The following DDX31 variants were observed in gnomAD, a reference collection of about 807,000 sequenced individuals.
DDX31 encodes DEAD-box helicase 31, also known as ATP-dependent DNA helicase DDX31.
A neutral mutation model predicts 91.3 loss-of-function variants in DDX31; 70 were observed. The ratio of observed to expected loss-of-function variants is 0.77; its 90% confidence interval spans 0.63 to 0.94. The LOEUF (loss-of-function observed/expected upper bound fraction) is 0.94. Ranked by LOEUF, DDX31 falls within the 40% of genes least tolerant of loss-of-function variation. The probability of loss-of-function intolerance (pLI) is 0.00; values close to 1 mark genes in which losing one functional copy is unlikely to be tolerated. For synonymous variants in DDX31, 362 were observed against 350.6 expected, an observed-to-expected ratio of 1.03 and a Z score of -0.36; for missense variants, 902 against 925.0, an observed-to-expected ratio of 0.98 and a Z score of 0.32.
In DDX31 at chr9:132,595,375, A is replaced by G. The variant is rs1036411153; in HGVS notation, c.1995-263T>C. Among the ~76,000 whole-genome samples, 2 of 152,192 alleles carry G rather than the reference A, an allele frequency of 1.3e-5. No homozygotes were observed. Among genetic ancestry groups the G allele is most frequent in the African/African-American group, 4.8e-5 (2 of 41,434 alleles). ...TGTTCTGTGTTGTTTTCATGGGGAA[A>G]AAAAGAACTATACACCCTCATGCTC... On this transcript the variant is annotated intron_variant, in intron 19 of 19. Transcript: ENST00000372159. The surrounding 1 kb of genome is among the most constrained non-coding windows in gnomAD (Gnocchi z 4.6).
intron 11 of DDX31, 89 bp downstream of exon 11, chr9:132,648,100 G>T: frequency 9.3e-7 from 1 of 1,076,672 alleles, no homozygotes. Context: ...CTGAGGTTGA[G>T]AATCACTGCA....
At chr9:132,632,241 T>TGTACACACAC (rs1466872933) in intron 14 of DDX31, 150 bp from the exon 15 acceptor site, 66 of 94,090 alleles carry the variant, frequency 7.0e-4, no homozygotes, top group Non-Finnish European at 9.4e-4. Context: ...CCAGTACGTG[T>TGTACACACAC]ACACACACAC....
At chr9:132,638,450 G>C in intron 14 of DDX31, 1 of 1,589,956 alleles carries the variant, frequency 6.3e-7, no homozygotes, top group South Asian at 1.1e-5. Flanking sequence ...TTGGGAAAGT[G>C]GGCTTTGAAC....
chr9:132,644,171 T>G (rs779142902), intron 13 of DDX31, among the ~76,000 whole-genome samples: 18 of 152,222 alleles, frequency 1.2e-4, no homozygotes, highest in African/African-American at 2.2e-4. Flanking sequence ...TATAACCTCC[T>G]GTCTTCCACT....
intron 14 of DDX31, among the ~76,000 whole-genome samples, chr9:132,636,346 A>G (rs564546226): frequency 6.6e-6 from 1 of 152,342 alleles, no homozygotes; most frequent in African/African-American, 2.4e-5. Context: ...AACACTGATG[A>G]GTTCTTACAT....
At chr9:132,666,949 G>A (rs563053447) in intron 1 of DDX31, among the ~76,000 whole-genome samples, 13 of 152,046 alleles carry the variant, frequency 8.6e-5, no homozygotes, top group Admixed American at 7.2e-4. Flanking sequence ...TCCTGACCTC[G>A]TGATCCACCG....
At chr9:132,643,430 C>T (rs1833622165) in intron 13 of DDX31, among the ~76,000 whole-genome samples, 1 of 152,236 alleles carries the variant, frequency 6.6e-6, no homozygotes, top group Admixed American at 6.5e-5. Flanking sequence ...TCACTATGTG[C>T]TGTGGCATGT....
intron 4 of DDX31, 148 bp downstream of exon 4, chr9:132,661,060 C>G: frequency 1.4e-6 from 1 of 707,526 alleles, no homozygotes; most frequent in Non-Finnish European, 2.5e-6. Flanking sequence ...GAATGAGTAG[C>G]TAAGTGAGAC....
Position 132,662,515 on chromosome 9 carries a change from T to C in DDX31, c.256A>G (p.Arg86Gly). ...PKKHSVSTSD[R>G]NQEERQCIKT... ...ATGCACTGTCTCTCCTCCTGGTTTCTATCACTTGTGCTAACCGAATGCTTC... is the reference window on the plus strand; with the variant it reads ...ATGCACTGTCTCTCCTCCTGGTTTCCATCACTTGTGCTAACCGAATGCTTC... Residue 86 changes from arginine to glycine, a missense_variant, in exon 2 of 20, where the codon AGA (arginine) becomes GGA (glycine). Physicochemically the swap from Arg to Gly is moderately radical, Grantham distance 125. Transcript: ENST00000372159. The C allele has an allele frequency of 1.2e-6, 2 of 1,614,238 alleles. No homozygotes were observed. The highest frequency in any genetic ancestry group is 8.5e-7 in the Non-Finnish European group (1 of 1,180,038).
intron 13 of DDX31, among the ~76,000 whole-genome samples, chr9:132,642,641 CA>C (rs750890723): frequency 0.012 from 1,558 of 131,846 alleles, 20 homozygotes; most frequent in African/African-American, 0.035. Flanking sequence ...TGCAGCTTTC[CA>C]AAAAAAAAAA....
chr9:132,604,723 C>T (rs1470048659), intron 19 of DDX31, among the ~76,000 whole-genome samples: 1 of 152,194 alleles, frequency 6.6e-6, no homozygotes, highest in African/African-American at 2.4e-5. Flanking sequence ...TTCCAGAGCA[C>T]ATTCTGTTTC....
intron 19 of DDX31, among the ~76,000 whole-genome samples, chr9:132,610,427 T>A (rs921622993): frequency 6.6e-6 from 1 of 152,188 alleles, no homozygotes; most frequent in African/African-American, 2.4e-5. Context: ...GTGAGAGTTA[T>A]TAGTATCAGA....
chr9:132,637,876 T>C, intron 14 of DDX31: 1 of 988,124 alleles, frequency 1.0e-6, no homozygotes, highest in Non-Finnish European at 1.2e-6. Flanking sequence ...CACGAAAGTC[T>C]ACATTTATTT....
chr9:132,619,250 G>A (rs756314095), intron 17 of DDX31, among the ~76,000 whole-genome samples: 61 of 152,166 alleles, frequency 4.0e-4, no homozygotes, highest in Admixed American at 1.9e-3. Context: ...CTCCAATATC[G>A]TAAAACAAAC....
intron 19 of DDX31, among the ~76,000 whole-genome samples, chr9:132,604,877 G>A (rs1462408901): frequency 6.6e-6 from 1 of 152,204 alleles, no homozygotes; most frequent in Non-Finnish European, 1.5e-5. Flanking sequence ...CCCCACTCCT[G>A]AGCCTGCTCA....
intron 6 of DDX31, among the ~76,000 whole-genome samples, chr9:132,655,667 G>A (rs1226792818): frequency 1.3e-5 from 2 of 152,062 alleles, no homozygotes. Context: ...TATCTAAAAA[G>A]TATTAATAAA....
intron 19 of DDX31, among the ~76,000 whole-genome samples, chr9:132,602,916 TAC>T (rs1830795245): frequency 1.3e-5 from 2 of 152,306 alleles, no homozygotes; most frequent in South Asian, 4.1e-4. Flanking sequence ...TTTCACCCAA[TAC>T]AGATTCTAGA....
intron 14 of DDX31, among the ~76,000 whole-genome samples, chr9:132,641,169 T>C (rs1249552659): frequency 2.0e-5 from 3 of 152,236 alleles, no homozygotes; most frequent in Non-Finnish European, 4.4e-5. Context: ...CCTTTAATAC[T>C]GAATATGGAA....
chr9:132,630,051 C>A (rs1410777429), intron 16 of DDX31, among the ~76,000 whole-genome samples: 1 of 152,208 alleles, frequency 6.6e-6, no homozygotes, highest in African/African-American at 2.4e-5. Flanking sequence ...TACAACACAT[C>A]GTCCTATGAC....
Sources: gnomAD v4.1 joint callset for allele counts (sites outside exome capture counted in the v4.1 genomes callset) on GRCh38, gnomAD v4.1.1 for gene constraint, Gnocchi (gnomAD v3.1) non-coding constraint, MANE v1.5 for transcripts, NCBI Gene and HGNC (gene_info 2026-07-23, HGNC 2026-07-21) for gene names.